PTK2: variants seen among roughly 807,000 people sequenced by gnomAD.
The protein encoded by PTK2 is protein tyrosine kinase 2, also known as focal adhesion kinase 1.
A neutral mutation model predicts 150.1 loss-of-function variants in PTK2; 45 were observed. That is an observed-to-expected ratio of 0.30 (90% CI 0.24 to 0.38). The LOEUF is 0.38. PTK2 is among the 10% of genes least tolerant of loss of function. The pLI, the probability that PTK2 is intolerant of heterozygous loss-of-function variation, is 1.00. For missense variants in PTK2, 919 were observed against 1,307.3 expected, an observed-to-expected ratio of 0.70 and a Z score of 4.58; for synonymous variants, 432 against 449.2, an observed-to-expected ratio of 0.96 and a Z score of 0.48.
At chr8:140,933,854 T>C (rs2100172758) in intron 1 of PTK2, among the ~76,000 whole-genome samples, 1 of 151,712 alleles carries the variant, frequency 6.6e-6, no homozygotes, top group Admixed American at 6.6e-5. Flanking sequence ...TATACGTCAA[T>C]TTAAAAAAAA....
chr8:140,921,120 A>G (rs1198038965), intron 2 of PTK2: 1 of 1,274,250 alleles, frequency 7.8e-7, no homozygotes, highest in East Asian at 3.2e-5. Flanking sequence ...GAATCTTCTC[A>G]TGCTTCCGCA....
chr8:140,748,179 C>G (rs1030065945), intron 17 of PTK2, among the ~76,000 whole-genome samples: 1 of 152,096 alleles, frequency 6.6e-6, no homozygotes, highest in Non-Finnish European at 1.5e-5. Flanking sequence ...TTAAATTTAA[C>G]TGGTTGCTTT....
At chr8:140,904,313 T>C (rs901607168) in intron 2 of PTK2, among the ~76,000 whole-genome samples, 3 of 152,206 alleles carry the variant, frequency 2.0e-5, no homozygotes, top group Non-Finnish European at 2.9e-5. Context: ...TGATTTGCGT[T>C]TGTTGAACAA....
intron 12 of PTK2, among the ~76,000 whole-genome samples, chr8:140,795,095 A>G (rs1288424444): frequency 6.6e-6 from 1 of 152,206 alleles, no homozygotes; most frequent in Non-Finnish European, 1.5e-5. Context: ...CTGTCATTCC[A>G]GAACCCCTGA....
chr8:140,775,529 G>A (rs578050809), intron 14 of PTK2, among the ~76,000 whole-genome samples: 18 of 151,884 alleles, frequency 1.2e-4, no homozygotes, highest in Admixed American at 1.1e-3. Flanking sequence ...TTTTTTTTAA[G>A]ACGGGGTTTT....
At chr8:140,825,022 C>T (rs1193151212) in intron 8 of PTK2, among the ~76,000 whole-genome samples, 2 of 152,164 alleles carry the variant, frequency 1.3e-5, no homozygotes, top group African/African-American at 2.4e-5. Context: ...TTATCAGATG[C>T]TGCTAGCAAC....
intron 22 of PTK2, among the ~76,000 whole-genome samples, chr8:140,730,788 C>CT (rs2100048699): frequency 1.3e-5 from 2 of 152,024 alleles, no homozygotes; most frequent in Admixed American, 1.3e-4. Context: ...AGCTGATGTT[C>CT]TTTTTTAAAA....
intron 3 of PTK2, among the ~76,000 whole-genome samples, chr8:140,889,121 C>T (rs911107010): frequency 1.3e-4 from 20 of 151,674 alleles, no homozygotes; most frequent in African/African-American, 4.1e-4. Context: ...AAAAAAGAGG[C>T]TATCATATTT....
At chr8:140,980,336 G>A (rs1423458283) in intron 1 of PTK2, among the ~76,000 whole-genome samples, 6 of 152,162 alleles carry the variant, frequency 3.9e-5, no homozygotes, top group Non-Finnish European at 5.9e-5. Context: ...TATAAAGTTC[G>A]GCCGGGCACG....
At chr8:140,759,513 A>C (rs1257943253) in intron 16 of PTK2, among the ~76,000 whole-genome samples, 2 of 142,496 alleles carry the variant, frequency 1.4e-5, no homozygotes, top group Non-Finnish European at 3.0e-5. Flanking sequence ...CCTTGGTGAC[A>C]GAGTAAGACC....
At chr8:140,948,189 GA>G (rs1322998787) in intron 1 of PTK2, among the ~76,000 whole-genome samples, 1 of 152,060 alleles carries the variant, frequency 6.6e-6, no homozygotes, top group Non-Finnish European at 1.5e-5. Context: ...AAAACAAAGA[GA>G]AAAACTGGCC....
chr8:140,659,388 G>T, exon 32 of PTK2: 1 of 1,329,690 alleles, frequency 7.5e-7, no homozygotes, highest in East Asian at 2.4e-5. Context: ...TGAGGACACA[G>T]GGTTAATTCC....
chr8:140,754,719 T>C (rs888744341), intron 16 of PTK2, among the ~76,000 whole-genome samples: 1 of 152,188 alleles, frequency 6.6e-6, no homozygotes, highest in Non-Finnish European at 1.5e-5. Context: ...AATGCCAACA[T>C]GAGCAGATTA....
chr8:140,936,318 G>A (rs1023140689), intron 1 of PTK2, among the ~76,000 whole-genome samples: 2 of 152,124 alleles, frequency 1.3e-5, no homozygotes, highest in African/African-American at 4.8e-5. Context: ...AGACAAACAT[G>A]TACTGTATAG....
chr8:140,770,783 T>A (rs2100075048), intron 14 of PTK2: 1 of 1,338,674 alleles, frequency 7.5e-7, no homozygotes, highest in East Asian at 3.9e-5. Context: ...TAACTTTATG[T>A]TGGCAGTGAC....
chr8:140,818,261 G>A lies in PTK2; in HGVS notation c.867+16C>T. On this transcript the variant is annotated intron_variant, in intron 10 of 31. Coordinates refer to ENST00000522684, the Ensembl canonical transcript of PTK2. The stretch of plus-strand genomic sequence containing the variant: ...TTGTGTAACGCCAAGTTCCCGAAAG[G>A]TCAGAGCAGACTTACATTGCAGCCC... 1 of 1,603,916 alleles carries A rather than the reference G, an allele frequency of 6.2e-7. No individual in the cohort carries two copies. Among genetic ancestry groups the A allele is most frequent in the Non-Finnish European group, 8.5e-7 (1 of 1,170,844 alleles).
intron 1 of PTK2, among the ~76,000 whole-genome samples, chr8:140,927,975 A>AAAAAAAAAAATAT: frequency 2.1e-5 from 1 of 48,196 alleles, no homozygotes; most frequent in African/African-American, 9.8e-5. Context: ...AAAAAAAAAA[A>AAAAAAAAAAATAT]ATATATATAT....
At chr8:140,972,645 A>G (rs1296453710) in intron 1 of PTK2, among the ~76,000 whole-genome samples, 2 of 152,216 alleles carry the variant, frequency 1.3e-5, no homozygotes, top group Non-Finnish European at 2.9e-5. Flanking sequence ...AAATACCTAC[A>G]TAATATTCTT....
intron 1 of PTK2, among the ~76,000 whole-genome samples, chr8:140,936,664 T>TA (rs1415437365): frequency 6.6e-6 from 1 of 152,106 alleles, no homozygotes; most frequent in Non-Finnish European, 1.5e-5. Context: ...ACCAGCAAAT[T>TA]AAAGAGCCAT....
Sources: allele counts gnomAD v4.1 joint callset (sites outside exome capture counted in the v4.1 genomes callset), GRCh38; gene constraint gnomAD v4.1.1; transcripts MANE v1.5; gene names NCBI Gene and HGNC (gene_info 2026-07-23, HGNC 2026-07-21).